The following FCHO2 variants were observed in gnomAD, a reference collection of about 807,000 sequenced individuals.
FCHO2 encodes FCH and mu domain containing endocytic adaptor 2, also known as F-BAR domain only protein 2.
FCHO2 carries 43 observed loss-of-function variants against 114.1 expected under a neutral mutation model. That is an observed-to-expected ratio of 0.38 (90% confidence interval 0.30 to 0.49). The LOEUF (loss-of-function observed/expected upper bound fraction) is 0.49, where lower values mean the gene tolerates loss of function less well. FCHO2 is among the 20% of genes least tolerant of loss of function. The pLI, the probability that FCHO2 is intolerant of heterozygous loss-of-function variation, is 0.97. For missense variants in FCHO2, 807 were observed against 950.4 expected, an observed-to-expected ratio of 0.85 and a Z score of 1.98; for synonymous variants, 293 against 315.2, an observed-to-expected ratio of 0.93 and a Z score of 0.75.
At chr5:73,085,814 AAAT>A in intron 24 of FCHO2, among the ~76,000 whole-genome samples, 1 of 127,212 alleles carries the variant, frequency 7.9e-6, no homozygotes, top group South Asian at 2.6e-4. Context: ...ATAAATAAAT[AAAT>A]AAATAAATAA....
intron 17 of FCHO2, among the ~76,000 whole-genome samples, chr5:73,058,857 T>C (rs1580181991): frequency 6.6e-6 from 1 of 152,148 alleles, no homozygotes; most frequent in South Asian, 2.1e-4. Context: ...TGTTGGAAGT[T>C]TAAGTTGCAT....
At chr5:72,957,575 C>T (rs1751625204) in intron 1 of FCHO2, among the ~76,000 whole-genome samples, 1 of 152,210 alleles carries the variant, frequency 6.6e-6, no homozygotes, top group South Asian at 2.1e-4. Context: ...TTCCATTCCA[C>T]ATTTTATTAA....
At chr5:73,060,841 A>G (rs941162166) in intron 17 of FCHO2, among the ~76,000 whole-genome samples, 1 of 152,104 alleles carries the variant, frequency 6.6e-6, no homozygotes, top group Admixed American at 6.6e-5. Flanking sequence ...TATACCATGT[A>G]GACTATAAAT....
chr5:73,052,478 G>T lies in FCHO2; in HGVS notation c.1144G>T (p.Gly382Trp). Reference sequence around the variant, plus strand: ...TTTGGATGAATTAAAAGTATCTATAGGGAATATAACACTCTCCCCAGCAAT... The same window carrying T: ...TTTGGATGAATTAAAAGTATCTATATGGAATATAACACTCTCCCCAGCAAT... Reference protein sequence around the residue: ...ASLDELKVSIGNITLSPAISR... With the variant: ...ASLDELKVSIWNITLSPAISR... Residue 382 changes from glycine (G) to tryptophan (W), a missense_variant, in exon 13 of 26, where the codon GGG becomes TGG. By Grantham distance (184) the Gly-to-Trp change is radical (BLOSUM62 -2). Coordinates refer to ENST00000430046, the MANE Select transcript of FCHO2 (RefSeq NM_138782.3). 1 of 1,594,890 alleles carries T rather than the reference G, an allele frequency of 6.3e-7. No homozygotes were observed. Among genetic ancestry groups the T allele is most frequent in the East Asian group, 2.3e-5 (1 of 44,432 alleles).
At chr5:72,976,096 G>T (rs1036583554) in intron 2 of FCHO2, among the ~76,000 whole-genome samples, 6 of 152,196 alleles carry the variant, frequency 3.9e-5, no homozygotes, top group African/African-American at 1.4e-4. Flanking sequence ...AACTAGCAAT[G>T]AATTAGAGTT....
intron 18 of FCHO2, among the ~76,000 whole-genome samples, chr5:73,068,261 A>G (rs79173849): frequency 6.6e-6 from 1 of 152,042 alleles, no homozygotes; most frequent in East Asian, 1.9e-4. Context: ...TGACTCATCC[A>G]TTTGTTTCTG....
Position 73,052,294 on chromosome 5 carries a change from T to C in FCHO2, c.998-38T>C, listed in dbSNP as rs1448198873. 8 of 1,546,406 alleles carry C rather than the reference T, an allele frequency of 5.2e-6. No homozygotes were observed. In the South Asian group the frequency reaches 9.6e-5, roughly 18 times the overall value. Reference sequence around the variant, plus strand: ...ATGTGTGAAAAACTGGTTATACGTCTAAGGTAATTTAAAAACAATTCTTTA... The same window carrying C: ...ATGTGTGAAAAACTGGTTATACGTCCAAGGTAATTTAAAAACAATTCTTTA... On this transcript the variant is annotated intron_variant, in intron 12 of 25. Transcript: ENST00000430046.
intron 20 of FCHO2, 113 bp downstream of exon 20, chr5:73,074,966 G>A: frequency 1.3e-6 from 1 of 790,292 alleles, no homozygotes; most frequent in Non-Finnish European, 1.9e-6. Flanking sequence ...GTAGATTACA[G>A]TTTTCTGTTG....
At chr5:72,981,989 G>C (rs925628489) in intron 2 of FCHO2, among the ~76,000 whole-genome samples, 2 of 152,086 alleles carry the variant, frequency 1.3e-5, no homozygotes, top group Admixed American at 1.3e-4. Flanking sequence ...TTGTTCTCTT[G>C]CTGGTGAGGA....
chr5:73,075,541 A>C (rs1020166037), intron 20 of FCHO2, among the ~76,000 whole-genome samples: 3 of 152,126 alleles, frequency 2.0e-5, no homozygotes, highest in African/African-American at 7.2e-5. Context: ...TTTGGAATTT[A>C]TTTTGAGTAA....
intron 5 of FCHO2, among the ~76,000 whole-genome samples, chr5:73,000,255 C>G (rs1420518743): frequency 6.6e-6 from 1 of 151,964 alleles, no homozygotes; most frequent in Non-Finnish European, 1.5e-5. Context: ...GGTGGATTAC[C>G]TGATGTCAGC....
At chr5:72,960,373 A>G (rs1751790729) in intron 1 of FCHO2, among the ~76,000 whole-genome samples, 1 of 152,218 alleles carries the variant, frequency 6.6e-6, no homozygotes, top group Non-Finnish European at 1.5e-5. Context: ...AGTTTTTGCC[A>G]CGAAGTATAG....
At chr5:73,023,133 T>C (rs1198986089) in intron 8 of FCHO2, among the ~76,000 whole-genome samples, 2 of 152,180 alleles carry the variant, frequency 1.3e-5, no homozygotes, top group Admixed American at 6.5e-5. Context: ...AATGGAAATA[T>C]CTTTTGAACA....
At chr5:72,993,895 C>T (rs1753938946) in intron 5 of FCHO2, among the ~76,000 whole-genome samples, 1 of 152,148 alleles carries the variant, frequency 6.6e-6, no homozygotes, top group African/African-American at 2.4e-5. Context: ...AAAGGATTCC[C>T]TATTCAATAA....
intron 2 of FCHO2, among the ~76,000 whole-genome samples, chr5:72,979,456 A>G (rs1753071738): frequency 8.5e-6 from 1 of 117,840 alleles, no homozygotes; most frequent in South Asian, 2.9e-4. Flanking sequence ...CAGTGGCGCG[A>G]TCTCGGCTCA....
chr5:73,068,771 C>T lies in FCHO2; in HGVS notation c.1571C>T (p.Pro524Leu), dbSNP rs1365588262. 6.2e-6 allele frequency: 10 copies of T among 1,611,306 alleles called. No individual in the cohort carries two copies. Among genetic ancestry groups the T allele is most frequent in the Non-Finnish European group, 7.6e-6 (9 of 1,178,478 alleles). The change falls in exon 19 of 26, where the codon CCA (proline) becomes CTA (leucine). Residue 524 changes from proline to leucine, a missense_variant. By Grantham distance (98) the Pro-to-Leu change is moderately conservative (BLOSUM62 -3). Coordinates refer to ENST00000430046, the MANE Select transcript of FCHO2 (RefSeq NM_138782.3). ...SSASLSAANT[P>L]TVGVSRGPSP... ...GCTTCATTGAGTGCTGCCAATACTC[C>T]AACAGTAGGTAAGTGATTATCATCA... is the stretch of plus-strand genomic sequence containing the variant.
At chr5:72,989,870 A>G (rs1209136851) in intron 3 of FCHO2, among the ~76,000 whole-genome samples, 2 of 152,064 alleles carry the variant, frequency 1.3e-5, no homozygotes, top group African/African-American at 4.8e-5. Context: ...GATAAACTTT[A>G]TTGAAATGAT....
chr5:72,995,387 T>C (rs1754036527), intron 5 of FCHO2, among the ~76,000 whole-genome samples: 2 of 151,892 alleles, frequency 1.3e-5, no homozygotes, highest in Admixed American at 1.3e-4. Context: ...TCCCGAGTAG[T>C]TGGGATTACA....
At chr5:73,086,141 A>C (rs1460170601) in intron 24 of FCHO2, among the ~76,000 whole-genome samples, 2 of 152,120 alleles carry the variant, frequency 1.3e-5, no homozygotes, top group Non-Finnish European at 2.9e-5. Context: ...AAAAACACAA[A>C]AAATTCTGTA....
Sources: allele counts gnomAD v4.1 joint callset (sites outside exome capture counted in the v4.1 genomes callset), GRCh38; gene constraint gnomAD v4.1.1; transcripts MANE v1.5; gene names NCBI Gene and HGNC (gene_info 2026-07-23, HGNC 2026-07-21).